Variants in PRICKLE2 observed in about 807,000 individuals in gnomAD.
PRICKLE2 encodes prickle planar cell polarity protein 2, also known as prickle-like protein 2.
In PRICKLE2, 21 loss-of-function variants were observed where a neutral mutation model predicts 81.4. The ratio of observed to expected loss-of-function variants is 0.26; its 90% CI spans 0.18 to 0.37. The LOEUF is 0.37. PRICKLE2 is among the 10% of genes least tolerant of loss of function. The pLI, the probability that PRICKLE2 is intolerant of heterozygous loss-of-function variation, is 1.00. For missense variants in PRICKLE2, 940 were observed against 1,109.0 expected (o/e 0.85, Z 2.16); for synonymous variants, 456 against 421.5 (o/e 1.08, Z -1.00).
intron 4 of PRICKLE2, among the ~76,000 whole-genome samples, chr3:64,159,420 C>T (rs2077694667): frequency 6.6e-6 from 1 of 152,242 alleles, no homozygotes; most frequent in Admixed American, 6.5e-5. Context: ...CATTGCTCTG[C>T]TCAATTCTTC....
intron 2 of PRICKLE2, among the ~76,000 whole-genome samples, chr3:64,176,941 AC>A (rs1476539701): frequency 6.6e-6 from 1 of 152,000 alleles, no homozygotes; most frequent in Non-Finnish European, 1.5e-5. Flanking sequence ...TAGCCATAAA[AC>A]CCTAAAGGGC....
chr3:64,199,768 T>C (rs952110010), intron 1 of PRICKLE2: 4 of 152,190 alleles, frequency 2.6e-5, no homozygotes, highest in African/African-American at 7.2e-5. Context: ...AATAAATATG[T>C]TGATGTCAGC....
Position 64,258,541 on chromosome 3 carries a change from C to T in PRICKLE2, c.129-59574G>A, listed in dbSNP as rs762354421. 1.4e-3 allele frequency among the ~76,000 whole-genome samples: 212 copies of T among 152,124 alleles called. 4 individuals are homozygous for T. The highest frequency in any genetic ancestry group is 4.7e-4 in the Non-Finnish European group (32 of 67,992). On this transcript the variant is annotated intron_variant, in intron 2 of 8. Transcript: ENST00000295902. Reference sequence around the variant, plus strand: ...AATCTATGATGTTAGAAATCGGAGGCTGGGTGTGGTGGCTCACGCCTGTAA... The same window carrying T: ...AATCTATGATGTTAGAAATCGGAGGTTGGGTGTGGTGGCTCACGCCTGTAA...
At chr3:64,233,662 T>A (rs1182680824) in intron 2 of PRICKLE2, among the ~76,000 whole-genome samples, 1 of 152,232 alleles carries the variant, frequency 6.6e-6, no homozygotes. Flanking sequence ...TTCCCTACTT[T>A]ATTTTTCTCC....
chr3:64,252,006 G>A (rs2079453324), intron 2 of PRICKLE2, among the ~76,000 whole-genome samples: 1 of 152,148 alleles, frequency 6.6e-6, no homozygotes, highest in Non-Finnish European at 1.5e-5. Context: ...TTTACTGCCT[G>A]TCTGGTCAGA....
chr3:64,183,658 C>A (rs696225), intron 2 of PRICKLE2, among the ~76,000 whole-genome samples: 27,143 of 152,144 alleles, frequency 0.18, 2,769 homozygotes, highest in East Asian at 0.47. Flanking sequence ...TTCATGAACT[C>A]TATCATCATC....
At chr3:64,256,758 T>C (rs1227113747) in intron 2 of PRICKLE2, among the ~76,000 whole-genome samples, 9 of 152,198 alleles carry the variant, frequency 5.9e-5, no homozygotes, top group African/African-American at 2.2e-4. Context: ...CTCCACCTTC[T>C]TTCCTACTTC....
intron 2 of PRICKLE2, among the ~76,000 whole-genome samples, chr3:64,252,692 C>T (rs2079465372): frequency 6.6e-6 from 1 of 152,144 alleles, no homozygotes; most frequent in Admixed American, 6.5e-5. Context: ...TTGTGAAAGA[C>T]TTGGTTTATG....
chr3:64,132,550 C>T lies in PRICKLE2; in HGVS notation c.1660+14280G>A, dbSNP rs150587921. 3.8e-3 allele frequency among the ~76,000 whole-genome samples: 574 copies of T among 152,340 alleles called. 1 individual carries two copies. The highest frequency in any genetic ancestry group is 6.2e-3 in the Non-Finnish European group (425 of 68,034). ...AGGACTAGTCTGATTTATTCACCAACGTACACTGGGCAACTAGCAGAGTGC... is the reference window on the plus strand; with the variant it reads ...AGGACTAGTCTGATTTATTCACCAATGTACACTGGGCAACTAGCAGAGTGC... On this transcript the variant is annotated intron_variant, in intron 7 of 7. Transcript: ENST00000638394.
chr3:64,128,911 AT>A, intron 7 of PRICKLE2, among the ~76,000 whole-genome samples: 1 of 145,774 alleles, frequency 6.9e-6, no homozygotes. Flanking sequence ...TATGGCAGGG[AT>A]TTTTTATTTT....
chr3:64,195,685 C>T (rs897290664), intron 2 of PRICKLE2, among the ~76,000 whole-genome samples: 6 of 152,002 alleles, frequency 3.9e-5, no homozygotes, highest in South Asian at 2.1e-4. Flanking sequence ...TAAAAAAAAA[C>T]CTTTAAATTC....
intron 2 of PRICKLE2, among the ~76,000 whole-genome samples, chr3:64,265,071 A>C (rs1369855265): frequency 6.6e-6 from 1 of 152,172 alleles, no homozygotes; most frequent in African/African-American, 2.4e-5. Context: ...TCCAGATTAC[A>C]ATCTTTGCAA....
At chr3:64,141,572 G>T (rs905793155) in intron 7 of PRICKLE2, among the ~76,000 whole-genome samples, 2 of 152,250 alleles carry the variant, frequency 1.3e-5, no homozygotes, top group Non-Finnish European at 2.9e-5. Context: ...CTTCTGCAAG[G>T]CTTCTGCATT....
In PRICKLE2 at chr3:64,141,960, T is replaced by G. The variant is rs1049485707; in HGVS notation, c.1660+4870A>C. ...GGTATTCAGACTGTGATTCTAGGAT[T>G]TAAAGATATGCAGATAGTTTAGAAT... On this transcript the variant is annotated intron_variant, in intron 7 of 7. Transcript: ENST00000638394. The G allele has an allele frequency of 3.0e-6, 3 of 983,846 alleles. No individual in the cohort carries two copies. In the African/African-American group the frequency reaches 5.2e-5, roughly 17 times the overall value. 60.9% of individuals were successfully genotyped at this position (983,846 alleles called of 1,614,324 possible).
At chr3:64,256,864 A>G (rs1237581104) in intron 2 of PRICKLE2, among the ~76,000 whole-genome samples, 2 of 152,176 alleles carry the variant, frequency 1.3e-5, no homozygotes, top group East Asian at 3.9e-4. Flanking sequence ...CATCAGTCAC[A>G]TATGCATTTT....
At chr3:64,207,183 A>T (rs559269466) in intron 1 of PRICKLE2, among the ~76,000 whole-genome samples, 3 of 152,212 alleles carry the variant, frequency 2.0e-5, no homozygotes, top group Non-Finnish European at 4.4e-5. Context: ...TACAGGCATG[A>T]GTCACTGTGC....
At chr3:64,249,735 T>A (rs1036020676) in intron 2 of PRICKLE2, among the ~76,000 whole-genome samples, 10 of 152,240 alleles carry the variant, frequency 6.6e-5, no homozygotes, top group Non-Finnish European at 1.3e-4. Context: ...AGGGCTACTT[T>A]ACTACTTGCT....
intron 1 of PRICKLE2, among the ~76,000 whole-genome samples, chr3:64,217,727 T>C (rs779432791): frequency 6.6e-6 from 1 of 152,064 alleles, no homozygotes; most frequent in Non-Finnish European, 1.5e-5. Flanking sequence ...GGGGATGCAT[T>C]GGGGCTGGAC....
chr3:64,231,015 T>C (rs2079094183), intron 2 of PRICKLE2, among the ~76,000 whole-genome samples: 1 of 152,234 alleles, frequency 6.6e-6, no homozygotes, highest in African/African-American at 2.4e-5. Context: ...TTCTTATCCA[T>C]GGACATTTCT....
Sources: gnomAD v4.1 joint callset for allele counts (sites outside exome capture counted in the v4.1 genomes callset) on GRCh38, gnomAD v4.1.1 for gene constraint, MANE v1.5 for transcripts, NCBI Gene and HGNC (gene_info 2026-07-23, HGNC 2026-07-21) for gene names.